The following NKAIN2 variants were observed in gnomAD, a reference collection of about 807,000 sequenced individuals.
NKAIN2 encodes sodium/potassium transporting ATPase interacting 2, also known as sodium/potassium-transporting ATPase subunit beta-1-interacting protein 2.
In NKAIN2, 14 loss-of-function variants were observed where a neutral mutation model predicts 32.6. The observed-to-expected ratio is 0.43, with a 90% confidence interval of 0.28 to 0.67. The LOEUF is 0.67. Among genes scored for constraint, NKAIN2 ranks in the 30% least tolerant of loss-of-function variants. The pLI, the probability that NKAIN2 is intolerant of heterozygous loss-of-function variation, is 0.17. For missense variants in NKAIN2, 198 were observed against 258.3 expected (o/e 0.77, Z 1.60); for synonymous variants, 80 against 87.2 (o/e 0.92, Z 0.46).
At chr6:123,954,300 A>G (rs929075496) in intron 1 of NKAIN2, among the ~76,000 whole-genome samples, 2 of 152,114 alleles carry the variant, frequency 1.3e-5, no homozygotes, top group Non-Finnish European at 2.9e-5. Context: ...GTGCCTTCCT[A>G]TGGTCTTCAG....
chr6:124,215,376 CA>C (rs1033280458), intron 1 of NKAIN2, among the ~76,000 whole-genome samples: 2 of 151,832 alleles, frequency 1.3e-5, no homozygotes, highest in Admixed American at 1.3e-4. Flanking sequence ...ACAAATAATA[CA>C]AAAAAGAATT....
At chr6:124,523,039 A>G (rs1452027070) in intron 3 of NKAIN2, among the ~76,000 whole-genome samples, 1 of 104,168 alleles carries the variant, frequency 9.6e-6, no homozygotes, top group Non-Finnish European at 2.1e-5. Context: ...GCTACTTGGG[A>G]GGCTGAGGCA....
intron 1 of NKAIN2, among the ~76,000 whole-genome samples, chr6:123,918,169 T>C (rs1420183308): frequency 6.6e-6 from 1 of 152,174 alleles, no homozygotes; most frequent in African/African-American, 2.4e-5. Context: ...TTGAAATTAG[T>C]CATAGTAGAT....
intron 2 of NKAIN2, among the ~76,000 whole-genome samples, chr6:124,324,681 T>C (rs570152797): frequency 1.2e-4 from 18 of 152,026 alleles, no homozygotes; most frequent in Non-Finnish European, 2.5e-4. Flanking sequence ...CTTTTACCAT[T>C]AAGTAGAATT....
chr6:123,940,034 G>C (rs1362931620), intron 1 of NKAIN2, among the ~76,000 whole-genome samples: 3 of 151,762 alleles, frequency 2.0e-5, no homozygotes, highest in Non-Finnish European at 2.9e-5. Flanking sequence ...AGTCATTTAT[G>C]GGCCCAGAGT....
chr6:124,695,957 T>C (rs759930264), intron 4 of NKAIN2, among the ~76,000 whole-genome samples: 34 of 152,152 alleles, frequency 2.2e-4, no homozygotes, highest in Non-Finnish European at 4.3e-4. Flanking sequence ...GGAAACTGCT[T>C]TTGTGCTTAG....
chr6:124,379,346 G>C (rs1161822345), intron 3 of NKAIN2, among the ~76,000 whole-genome samples: 1 of 147,032 alleles, frequency 6.8e-6, no homozygotes, highest in African/African-American at 2.5e-5. Flanking sequence ...GGGGAGTAAG[G>C]AGAGAAGGGA....
chr6:124,051,472 C>T (rs556002082), intron 1 of NKAIN2, among the ~76,000 whole-genome samples: 28 of 151,870 alleles, frequency 1.8e-4, no homozygotes, highest in South Asian at 1.3e-3. Context: ...ATGTACACAA[C>T]GTGCAGGTTT....
intron 1 of NKAIN2, among the ~76,000 whole-genome samples, chr6:124,013,146 A>G (rs1780413180): frequency 6.6e-6 from 1 of 152,202 alleles, no homozygotes; most frequent in African/African-American, 2.4e-5. Flanking sequence ...GTTTGTACAA[A>G]TAATTTGCCC....
chr6:124,648,441 A>G lies in NKAIN2; in HGVS notation c.274-9745A>G, dbSNP rs183055917. ...TTTCTAAAGTAAATGCTCTAAGAAA[A>G]GGGAAGTTAGAGGCCCATATTGAGG... On this transcript the variant is annotated intron_variant, in intron 3 of 6. Transcript: ENST00000368417. Among the ~76,000 whole-genome samples, 309 of 152,324 alleles carry G rather than the reference A, an allele frequency of 2.0e-3. 2 individuals are homozygous for G. The highest frequency in any genetic ancestry group is 1.2e-3 in the Non-Finnish European group (84 of 68,018).
intron 4 of NKAIN2, among the ~76,000 whole-genome samples, chr6:124,690,998 T>C (rs1304637065): frequency 6.6e-6 from 1 of 152,008 alleles, no homozygotes; most frequent in Non-Finnish European, 1.5e-5. Context: ...TTAAGATTTG[T>C]AGGAAGGAAG....
chr6:124,780,911 T>C (rs561230760), intron 4 of NKAIN2, among the ~76,000 whole-genome samples: 49 of 152,278 alleles, frequency 3.2e-4, no homozygotes, highest in African/African-American at 1.1e-3. Context: ...GGGAGGAGCA[T>C]GTGCATTCTC....
chr6:124,224,321 C>T (rs1205525246), intron 1 of NKAIN2, among the ~76,000 whole-genome samples: 2 of 151,894 alleles, frequency 1.3e-5, no homozygotes, highest in South Asian at 4.1e-4. Flanking sequence ...GGTTTATTAC[C>T]AGCTTCATTT....
At chr6:124,131,243 C>T (rs1182650706) in intron 1 of NKAIN2, among the ~76,000 whole-genome samples, 2 of 152,108 alleles carry the variant, frequency 1.3e-5, no homozygotes, top group African/African-American at 4.8e-5. Flanking sequence ...CTCTGGGGTT[C>T]AAGTGATCCT....
intron 1 of NKAIN2, among the ~76,000 whole-genome samples, chr6:124,007,652 G>C (rs1780131105): frequency 6.6e-6 from 1 of 152,012 alleles, no homozygotes; most frequent in Non-Finnish European, 1.5e-5. Context: ...ATGTACAGTG[G>C]GGTGCTAGAC....
intron 1 of NKAIN2, among the ~76,000 whole-genome samples, chr6:124,146,591 C>T (rs754435424): frequency 2.0e-5 from 3 of 152,150 alleles, no homozygotes; most frequent in Non-Finnish European, 4.4e-5. Context: ...GTTTGTAGAA[C>T]ATTGCTCATG....
At chr6:124,814,118 AT>A (rs1781036710) in intron 5 of NKAIN2, among the ~76,000 whole-genome samples, 2 of 152,330 alleles carry the variant, frequency 1.3e-5, no homozygotes, top group Admixed American at 6.5e-5. Context: ...AAAAAGTTCC[AT>A]ATGTGGTTGA....
chr6:124,278,667 ATATATATATAT>A (rs1795153854), intron 1 of NKAIN2, among the ~76,000 whole-genome samples: 1 of 119,746 alleles, frequency 8.4e-6, no homozygotes, highest in Non-Finnish European at 1.8e-5. Flanking sequence ...ATATATATAT[ATATATATATAT>A]ATATATATAT....
chr6:124,487,317 T>C, intron 3 of NKAIN2, among the ~76,000 whole-genome samples: 1 of 152,162 alleles, frequency 6.6e-6, no homozygotes, highest in East Asian at 1.9e-4. Context: ...CTCCAATTAT[T>C]ATTGAAATAG....
Sources: allele counts gnomAD v4.1 joint callset (sites outside exome capture counted in the v4.1 genomes callset), GRCh38; gene constraint gnomAD v4.1.1; transcripts MANE v1.5; gene names NCBI Gene and HGNC (gene_info 2026-07-23, HGNC 2026-07-21).